Variants in LIMCH1 observed in about 807,000 individuals in gnomAD.
LIMCH1 encodes LIM and calponin homology domains 1.
Under a neutral mutation model 176.5 loss-of-function variants are expected in LIMCH1, and 113 were observed. The ratio of observed to expected loss-of-function variants is 0.64; its 90% CI spans 0.55 to 0.75. LIMCH1 has a LOEUF of 0.75. LIMCH1 is among the 30% of genes least tolerant of loss of function. The pLI is 0.00. For synonymous variants in LIMCH1, 619 were observed against 645.9 expected (o/e 0.96, Z 0.63); for missense variants, 1,674 against 1,814.9 (o/e 0.92, Z 1.41).
At chr4:41,436,488 T>A (rs1163181206) in intron 1 of LIMCH1, among the ~76,000 whole-genome samples, 1 of 152,190 alleles carries the variant, frequency 6.6e-6, no homozygotes, top group African/African-American at 2.4e-5. Flanking sequence ...TGTGAGCCAG[T>A]TAATGCTGTG....
intron 19 of LIMCH1, among the ~76,000 whole-genome samples, chr4:41,662,238 G>A (rs2094649349): frequency 6.6e-6 from 1 of 151,988 alleles, no homozygotes; most frequent in African/African-American, 2.4e-5. Context: ...AAACTAGATT[G>A]TGCCTTCACA....
At chr4:41,478,052 C>T (rs2068014910) in intron 1 of LIMCH1, among the ~76,000 whole-genome samples, 1 of 152,136 alleles carries the variant, frequency 6.6e-6, no homozygotes, top group African/African-American at 2.4e-5. Context: ...AAAAAAATAC[C>T]TTTGTTTCTT....
chr4:41,552,304 A>G (rs1439029166), intron 1 of LIMCH1, among the ~76,000 whole-genome samples: 2 of 152,134 alleles, frequency 1.3e-5, no homozygotes, highest in South Asian at 2.1e-4. Flanking sequence ...AAGAGTCTGT[A>G]AAAAGAAGAA....
intron 1 of LIMCH1, among the ~76,000 whole-genome samples, chr4:41,545,319 C>A (rs780996059): frequency 6.6e-6 from 1 of 152,068 alleles, no homozygotes; most frequent in Non-Finnish European, 1.5e-5. Flanking sequence ...CTGTCCTTGA[C>A]GTTTAGTGGA....
chr4:41,535,162 C>CAAAAAAAAA (rs61639965), upstream of LIMCH1, among the ~76,000 whole-genome samples: 119 of 83,948 alleles, frequency 1.4e-3, no homozygotes, highest in Non-Finnish European at 1.7e-3. Flanking sequence ...GACCCTGTCA[C>CAAAAAAAAA]AAAAAAAAAA....
intron 1 of LIMCH1, among the ~76,000 whole-genome samples, chr4:41,540,621 C>A (rs1466295910): frequency 6.6e-6 from 1 of 152,084 alleles, no homozygotes; most frequent in Non-Finnish European, 1.5e-5. Context: ...CACCTGTAAT[C>A]CCAGCTATTC....
chr4:41,602,502 T>C (rs2090096777), intron 2 of LIMCH1, among the ~76,000 whole-genome samples: 1 of 152,172 alleles, frequency 6.6e-6, no homozygotes, highest in Non-Finnish European at 1.5e-5. Flanking sequence ...TAATTTGTTT[T>C]CCATAAAAGT....
chr4:41,533,103 T>C (rs2077501006), intron 3 of LIMCH1, among the ~76,000 whole-genome samples: 3 of 152,176 alleles, frequency 2.0e-5, no homozygotes, highest in African/African-American at 7.2e-5. Flanking sequence ...TGTGGGTCTT[T>C]CTATAGAACA....
intron 1 of LIMCH1, among the ~76,000 whole-genome samples, chr4:41,399,685 CT>C (rs56174007): frequency 6.3e-5 from 6 of 95,786 alleles, no homozygotes; most frequent in Non-Finnish European, 9.4e-5. Context: ...GGTGGATACT[CT>C]TTTTTTTTTT....
chr4:41,507,384 G>T (rs891415451), intron 2 of LIMCH1, among the ~76,000 whole-genome samples: 1 of 152,032 alleles, frequency 6.6e-6, no homozygotes, highest in African/African-American at 2.4e-5. Flanking sequence ...GCTTCTAATC[G>T]TAGCTTGGTC....
intron 2 of LIMCH1, among the ~76,000 whole-genome samples, chr4:41,515,917 G>T (rs558688772): frequency 6.6e-6 from 1 of 152,152 alleles, no homozygotes; most frequent in African/African-American, 2.4e-5. Flanking sequence ...TTCTCTCCAC[G>T]CTCTTGATAG....
In LIMCH1 at chr4:41,475,120, C is replaced by T. The variant is rs563933401; in HGVS notation, c.97-19416C>T. ...GACCTTTGCTTTTGTTTTCTATTGC[C>T]TACCTGTATCCAGGAAATCAGAAAC... On this transcript the variant is annotated intron_variant, in intron 1 of 26. Transcript: ENST00000313860. Among the ~76,000 whole-genome samples the T allele has an allele frequency of 1.1e-4, 16 of 152,244 alleles. No homozygotes were observed. The South Asian group carries it at 3.3e-3, about 32-fold the overall frequency.
rs1732158519 is a variant in LIMCH1 at position 41,699,210 on chromosome 4, C to T, written c.*2025C>T. On this transcript the variant is annotated 3_prime_UTR_variant, in exon 32 of 32. Transcript: ENST00000503057. ...AGAATACTTTTTACATGTGCAACTC[C>T]ATCCGTTATGTAAGGATTACATGAA... 1 of 152,104 alleles carries T rather than the reference C, an allele frequency of 6.6e-6. No individual in the cohort carries two copies. The highest frequency in any genetic ancestry group is 2.4e-5 in the African/African-American group (1 of 41,422). 9.4% of individuals were successfully genotyped at this position (152,104 alleles called of 1,614,324 possible).
rs192517828 is a variant in LIMCH1 at position 41,677,318 on chromosome 4, G to C, written c.3519+856G>C. Reference sequence around the variant, plus strand: ...CCCAGCTAGGGAGGCTGAGACAGGAGAATTGTTTGAACCCGTGAGGCGGAG... The same window carrying C: ...CCCAGCTAGGGAGGCTGAGACAGGACAATTGTTTGAACCCGTGAGGCGGAG... On this transcript the variant is annotated intron_variant, in intron 23 of 31. Coordinates refer to ENST00000503057, the MANE Select transcript of LIMCH1 (RefSeq NM_001330672.2). 2.5e-3 allele frequency among the ~76,000 whole-genome samples: 374 copies of C among 152,268 alleles called. 1 individual carries two copies. The highest frequency in any genetic ancestry group is 4.0e-3 in the Non-Finnish European group (275 of 68,026).
intron 1 of LIMCH1, among the ~76,000 whole-genome samples, chr4:41,434,350 C>T (rs115375080): frequency 1.0e-3 from 155 of 152,256 alleles, no homozygotes; most frequent in African/African-American, 3.6e-3. Flanking sequence ...TAGAGCTAGC[C>T]GGTTTCACTC....
At chr4:41,400,944 T>A (rs1257778435) in intron 1 of LIMCH1, among the ~76,000 whole-genome samples, 3 of 152,200 alleles carry the variant, frequency 2.0e-5, no homozygotes, top group African/African-American at 4.8e-5. Flanking sequence ...CTTTGTCAGA[T>A]GAGTAGGTTG....
chr4:41,362,511 C>T (rs1433300002), intron 1 of LIMCH1, among the ~76,000 whole-genome samples: 2 of 152,084 alleles, frequency 1.3e-5, no homozygotes, highest in African/African-American at 2.4e-5. Context: ...GGAGAGACTT[C>T]GAGTGTGGGT....
chr4:41,632,674 A>G (rs1310048206), intron 10 of LIMCH1, 75 bp from the exon 11 acceptor site: 10 of 1,180,432 alleles, frequency 8.5e-6, no homozygotes, highest in Non-Finnish European at 1.1e-5. Context: ...TTCAGTCCCA[A>G]GGACTTTCAC....
At chr4:41,602,018 G>A (rs576989986) in intron 2 of LIMCH1, among the ~76,000 whole-genome samples, 2 of 145,646 alleles carry the variant, frequency 1.4e-5, no homozygotes, top group African/African-American at 5.0e-5. Flanking sequence ...TGGAAGTTTT[G>A]TTTCAGAAAA....
Sources: gnomAD v4.1 joint callset for allele counts (sites outside exome capture counted in the v4.1 genomes callset) on GRCh38, gnomAD v4.1.1 for gene constraint, MANE v1.5 for transcripts, NCBI Gene and HGNC (gene_info 2026-07-23, HGNC 2026-07-21) for gene names.